LRRK2: variants seen among roughly 807,000 people sequenced by gnomAD.
The protein encoded by LRRK2 is leucine rich repeat kinase 2.
LRRK2 carries 203 observed loss-of-function variants against 302.6 expected under a neutral mutation model. The ratio of observed to expected loss-of-function variants is 0.67; its 90% CI spans 0.60 to 0.75. The LOEUF (loss-of-function observed/expected upper bound fraction) is 0.75. Ranked by LOEUF, LRRK2 falls within the 30% of genes least tolerant of loss-of-function variation. LRRK2 has a pLI of 0.00. For synonymous variants in LRRK2, 1,066 were observed against 1,031.9 expected (o/e 1.03, Z -0.63); for missense variants, 2,830 against 2,951.0 (o/e 0.96, Z 0.95).
At chr12:40,237,433 G>C (rs1941516839) in intron 4 of LRRK2, among the ~76,000 whole-genome samples, 1 of 152,214 alleles carries the variant, frequency 6.6e-6, no homozygotes, top group Admixed American at 6.5e-5. Flanking sequence ...TTCAAAAGGA[G>C]TTTTGTTCAA....
intron 3 of LRRK2, 30 bp downstream of exon 3, chr12:40,232,413 G>A (rs760167967): frequency 1.3e-6 from 2 of 1,521,544 alleles, no homozygotes; most frequent in Admixed American, 1.7e-5. Flanking sequence ...AAAACAAATG[G>A]CCTTGAGTAT....
chr12:40,349,537 A>G (rs1047748776), intron 43 of LRRK2, among the ~76,000 whole-genome samples: 7 of 125,492 alleles, frequency 5.6e-5, no homozygotes, highest in Non-Finnish European at 1.2e-4. Flanking sequence ...ATTTAGAGGC[A>G]GGGTCTCACT....
intron 30 of LRRK2, 84 bp downstream of exon 30, chr12:40,309,317 T>G (rs1944955010): frequency 1.3e-6 from 2 of 1,510,040 alleles, no homozygotes; most frequent in South Asian, 2.5e-5. Context: ...TTAATTTATT[T>G]TGGGCAAACA....
chr12:40,305,168 C>T (rs539040511), intron 27 of LRRK2, among the ~76,000 whole-genome samples: 19 of 152,166 alleles, frequency 1.2e-4, no homozygotes, highest in South Asian at 2.1e-4. Context: ...CAAGTTCTAG[C>T]GTATTGCCTA....
intron 25 of LRRK2, 140 bp downstream of exon 25, chr12:40,299,397 A>G (rs1192691300): frequency 1.1e-6 from 1 of 948,946 alleles, no homozygotes. Context: ...TAAAATTAGC[A>G]GGTTGGCAAT....
Position 40,235,827 on chromosome 12 carries a change from G to A in LRRK2, c.436+113G>A, listed in dbSNP as rs969683764. ...TTTTTTTTTTTGAAGATCAGGATTA[G>A]GGTAGCTTGATTTAAATGTCCTAAA... On this transcript the variant is annotated intron_variant, in intron 4 of 50. Transcript: ENST00000298910. The A allele has an allele frequency of 6.3e-5, 41 of 646,250 alleles. No homozygotes were observed. In the African/African-American group the frequency reaches 8.0e-4, roughly 13 times the overall value. The allele number at this position is 646,250 out of a possible 1,614,324, so 40.0% of individuals were successfully genotyped here. A position where few individuals can be genotyped will look rare whatever the true frequency, so the allele number is the denominator to read the frequency against.
intron 34 of LRRK2, among the ~76,000 whole-genome samples, chr12:40,320,387 T>C (rs1945365347): frequency 6.6e-6 from 1 of 152,090 alleles, no homozygotes; most frequent in African/African-American, 2.4e-5. Flanking sequence ...ACTTTATGTG[T>C]ATAGTTACTA....
chr12:40,251,414 T>C (rs1191070692), intron 9 of LRRK2, 40 bp downstream of exon 9: 2 of 1,613,402 alleles, frequency 1.2e-6, no homozygotes, highest in Non-Finnish European at 8.5e-7. Flanking sequence ...CAAAATTATG[T>C]TTTCCAGTCA....
At chr12:40,236,929 A>G (rs1269763471) in intron 4 of LRRK2, among the ~76,000 whole-genome samples, 1 of 152,132 alleles carries the variant, frequency 6.6e-6, no homozygotes, top group Non-Finnish European at 1.5e-5. Flanking sequence ...AATATGAAAA[A>G]TCTACCAACA....
intron 21 of LRRK2, among the ~76,000 whole-genome samples, chr12:40,294,510 A>G (rs572410733): frequency 1.3e-5 from 2 of 152,206 alleles, no homozygotes; most frequent in African/African-American, 2.4e-5. Context: ...CAGTCTTTAT[A>G]TGCTCTTTCG....
At chr12:40,294,695 C>T (rs4768226) in intron 21 of LRRK2, 150 bp from the exon 22 acceptor site, 19,433 of 493,562 alleles carry the variant, frequency 0.039, 974 homozygotes, top group Admixed American at 0.14. Context: ...CTTTTATCCT[C>T]ATAATTGGGT....
Position 40,351,612 on chromosome 12 carries a change from T to A in LRRK2, c.6455T>A (p.Val2152Asp). 6.2e-7 allele frequency: 1 copy of A among 1,614,216 alleles called. No homozygotes were observed. Among genetic ancestry groups the A allele is most frequent in the Non-Finnish European group, 8.5e-7 (1 of 1,180,034 alleles). The part of the protein sequence containing the change: ...RRILLPKNVI[V>D]ECMVATHHNS... Reference sequence around the variant, plus strand: ...ATTTTATTACCTAAAAACGTAATTGTTGAATGCATGGTTGCTACACATCAC... The same window carrying A: ...ATTTTATTACCTAAAAACGTAATTGATGAATGCATGGTTGCTACACATCAC... The change falls in exon 44 of 51, where the codon GTT becomes GAT. Residue 2152 changes from valine (V) to aspartate (D), a missense_variant. By Grantham distance (152) the Val-to-Asp change is radical. Transcript: ENST00000298910.
At position 40,310,623 on chromosome 12, in the gene LRRK2, A is replaced by G; in HGVS notation, c.4510A>G (p.Ile1504Val). 1 of 1,613,182 alleles carries G rather than the reference A, an allele frequency of 6.2e-7. No individual in the cohort carries two copies. Among genetic ancestry groups the G allele is most frequent in the Non-Finnish European group, 8.5e-7 (1 of 1,179,782 alleles). Reference sequence around the variant, plus strand: ...TGCTTTGGCAAAACTTCGGAAAACCATCATAAACGAGAGCCTTAATTTCAA... The same window carrying G: ...TGCTTTGGCAAAACTTCGGAAAACCGTCATAAACGAGAGCCTTAATTTCAA... ...SDALAKLRKT[I>V]INESLNFKIR... is the part of the protein sequence containing the mutation. Residue 1504 changes from isoleucine to valine, a missense_variant, in exon 31 of 51, where the codon ATC becomes GTC. Around this residue, in one of 3 missense-constraint regions of LRRK2, gnomAD observed 2,121 missense variants for 2,148.0 expected, o/e 0.99. Coordinates refer to ENST00000298910, the MANE Select transcript of LRRK2 (RefSeq NM_198578.4).
intron 14 of LRRK2, among the ~76,000 whole-genome samples, chr12:40,271,310 A>G (rs1943224901): frequency 6.6e-6 from 1 of 152,208 alleles, no homozygotes; most frequent in Admixed American, 6.5e-5. Context: ...GGGAGAAAAC[A>G]AAACACAAAT....
intron 2 of LRRK2, among the ~76,000 whole-genome samples, chr12:40,231,169 A>G (rs1486516150): frequency 6.6e-6 from 1 of 152,020 alleles, no homozygotes; most frequent in African/African-American, 2.4e-5. Context: ...CTCCAACTTC[A>G]CCTAATCCTT....
At chr12:40,286,300 G>A (rs1171567711) in intron 19 of LRRK2, 4 of 151,868 alleles carry the variant, frequency 2.6e-5, no homozygotes, top group Admixed American at 6.6e-5. Context: ...TCATCCTACC[G>A]GGCTTCGGGA....
intron 12 of LRRK2, among the ~76,000 whole-genome samples, chr12:40,258,159 C>CA (rs1942605479): frequency 6.6e-6 from 1 of 152,110 alleles, no homozygotes; most frequent in African/African-American, 2.4e-5. Flanking sequence ...TTAATTTTTA[C>CA]AAAGGGATTA....
intron 2 of LRRK2, among the ~76,000 whole-genome samples, chr12:40,228,433 C>CTTTTTTTTTTTTTTTTTT (rs35333613): frequency 1.0e-4 from 2 of 19,316 alleles, no homozygotes; most frequent in Admixed American, 6.4e-4. Flanking sequence ...AAAAATAAGA[C>CTTTTTTTTTTTTTTTTTT]TTTTTTTTTT....
intron 25 of LRRK2, chr12:40,300,768 C>T (rs533551466): frequency 3.0e-5 from 14 of 470,836 alleles, no homozygotes; most frequent in Non-Finnish European, 6.2e-5. Context: ...GTAATGATGG[C>T]ATAAATAAAT....
Sources: allele counts gnomAD v4.1 joint callset (sites outside exome capture counted in the v4.1 genomes callset), GRCh38; gene constraint gnomAD v4.1.1; regional missense constraint gnomAD v4.1.1; transcripts MANE v1.5; gene names NCBI Gene and HGNC (gene_info 2026-07-23, HGNC 2026-07-21).